Variants in RERE observed in about 807,000 individuals in gnomAD.
RERE encodes arginine-glutamic acid dipeptide repeats protein.
A neutral mutation model predicts 146.1 loss-of-function variants in RERE; 40 were observed. That is an observed-to-expected ratio of 0.27 (90% CI 0.21 to 0.36). The LOEUF is 0.36. Ranked by LOEUF, RERE falls within the 10% of genes least tolerant of loss-of-function variation. The pLI is 1.00. For synonymous variants in RERE, 1,003 were observed against 866.0 expected (o/e 1.16, Z -2.78); for missense variants, 1,933 against 2,138.7 (o/e 0.90, Z 1.90).
intron 11 of RERE, among the ~76,000 whole-genome samples, chr1:8,447,179 A>G (rs994121739): frequency 6.6e-6 from 1 of 150,840 alleles, no homozygotes; most frequent in Admixed American, 6.6e-5. Context: ...TGGTTATTCT[A>G]GTTAGCAGTT....
intron 1 of RERE, among the ~76,000 whole-genome samples, chr1:8,689,773 G>GAAAAA (rs370873260): frequency 7.8e-6 from 1 of 127,828 alleles, no homozygotes; most frequent in Non-Finnish European, 1.7e-5. Flanking sequence ...ATGGATACAG[G>GAAAAA]AAAAAAAAAA....
At chr1:8,559,280 C>CAAAAAAAAAAAAAAAAAAAAAAAAAAA (rs548075266) in intron 4 of RERE, among the ~76,000 whole-genome samples, 16 of 12,072 alleles carry the variant, frequency 1.3e-3, no homozygotes, top group Non-Finnish European at 1.8e-3. Context: ...AACTCCAGCT[C>CAAAAAAAAAAAAAAAAAAAAAAAAAAA]AAAAAAAAAA....
intron 2 of RERE, among the ~76,000 whole-genome samples, chr1:8,647,362 C>T (rs1438750524): frequency 6.6e-6 from 1 of 152,134 alleles, no homozygotes; most frequent in Admixed American, 6.6e-5. Context: ...AGGGAATACA[C>T]TGAAAAGCTT....
intron 12 of RERE, among the ~76,000 whole-genome samples, chr1:8,419,070 A>G (rs1427025782): frequency 6.6e-6 from 1 of 152,218 alleles, no homozygotes; most frequent in Non-Finnish European, 1.5e-5. Flanking sequence ...ATTCCTGACT[A>G]CATTTCACCT....
chr1:8,478,721 G>A (rs2124172581), intron 10 of RERE, among the ~76,000 whole-genome samples: 1 of 152,266 alleles, frequency 6.6e-6, no homozygotes, highest in Middle Eastern at 3.4e-3. Context: ...TTCAAGGATT[G>A]CCTGAGTTTA....
intron 6 of RERE, among the ~76,000 whole-genome samples, chr1:8,546,918 A>C (rs1645869975): frequency 1.3e-5 from 2 of 151,956 alleles, no homozygotes; most frequent in African/African-American, 4.8e-5. Flanking sequence ...AACTGTACAA[A>C]ATCTGTAACA....
chr1:8,450,927 C>T (rs1160881537), intron 11 of RERE, among the ~76,000 whole-genome samples: 1 of 152,192 alleles, frequency 6.6e-6, no homozygotes, highest in African/African-American at 2.4e-5. Flanking sequence ...ATTCTTGGTG[C>T]TCTTTATTCC....
intron 1 of RERE, chr1:8,786,758 A>G: frequency 1.3e-6 from 1 of 780,290 alleles, no homozygotes; most frequent in Non-Finnish European, 2.3e-6. Context: ...ATCTGCCTAT[A>G]TTCCTTGTGA....
Position 8,360,270 on chromosome 1 carries a change from GCT to G in RERE, c.3235_3236del (p.Ser1079HisfsTer23). ...GTGGGCAGGACGACCCCCCCGCTAT[GCT>G]GCCTCCTGAAGCCGCCGCACCAGAG... Reference protein sequence around the residue: ...PCSGAAASGGSIAGGSSCPLP... With the variant: ...PCSGAAASGGXIAGGSSCPLP... On this transcript the variant is annotated frameshift_variant, in exon 18 of 23. Transcript: ENST00000400908. LOFTEE classifies it high-confidence loss of function. 6.4e-7 allele frequency: 1 copy of G among 1,570,642 alleles called. No homozygotes were observed. Among genetic ancestry groups the G allele is most frequent in the Non-Finnish European group, 8.6e-7 (1 of 1,159,150 alleles).
intron 4 of RERE, among the ~76,000 whole-genome samples, chr1:8,586,368 G>GC (rs1295772244): frequency 6.6e-6 from 1 of 152,134 alleles, no homozygotes; most frequent in African/African-American, 2.4e-5. Context: ...CTCGAAGATG[G>GC]CTGGCCACGT....
intron 6 of RERE, among the ~76,000 whole-genome samples, chr1:8,544,563 T>A (rs1645836082): frequency 6.6e-6 from 1 of 152,146 alleles, no homozygotes; most frequent in African/African-American, 2.4e-5. Flanking sequence ...ATATGAGCTT[T>A]AGAAGAGGAA....
chr1:8,790,554 A>G (rs1641345633), intron 1 of RERE, among the ~76,000 whole-genome samples: 1 of 152,236 alleles, frequency 6.6e-6, no homozygotes, highest in Non-Finnish European at 1.5e-5. Context: ...TCCTTCATAT[A>G]GAAATAAACT....
At chr1:8,552,236 C>A (rs1195283724) in intron 6 of RERE, among the ~76,000 whole-genome samples, 2 of 152,172 alleles carry the variant, frequency 1.3e-5, no homozygotes, top group Non-Finnish European at 1.5e-5. Context: ...GCTCTCTCTC[C>A]TCCTTTATAA....
chr1:8,541,192 T>C (rs764446493), intron 7 of RERE, 22 bp downstream of exon 7: 1 of 1,278,454 alleles, frequency 7.8e-7, no homozygotes, highest in Non-Finnish European at 1.1e-6. Context: ...TCTCAATGAA[T>C]GGACACAAGT....
intron 1 of RERE, among the ~76,000 whole-genome samples, chr1:8,706,292 T>C (rs1019273404): frequency 6.6e-6 from 1 of 151,794 alleles, no homozygotes; most frequent in African/African-American, 2.4e-5. Context: ...TAAAAAAAAA[T>C]TTAGAAAAAT....
At chr1:8,730,820 C>T (rs753771468) in intron 1 of RERE, among the ~76,000 whole-genome samples, 1 of 152,182 alleles carries the variant, frequency 6.6e-6, no homozygotes, top group Non-Finnish European at 1.5e-5. Flanking sequence ...GAAGGACTAA[C>T]GCTGCATGAG....
chr1:8,602,713 C>T (rs572042343), intron 4 of RERE, among the ~76,000 whole-genome samples: 43 of 152,258 alleles, frequency 2.8e-4, no homozygotes, highest in African/African-American at 9.1e-4. Flanking sequence ...AACTTACACA[C>T]AGCAGATTTT....
intron 2 of RERE, among the ~76,000 whole-genome samples, chr1:8,643,305 T>G (rs1167977106): frequency 6.6e-6 from 1 of 152,216 alleles, no homozygotes; most frequent in African/African-American, 2.4e-5. Context: ...TTTCAACATG[T>G]TTTTGCTCAT....
intron 6 of RERE, among the ~76,000 whole-genome samples, chr1:8,554,587 T>C (rs1645981444): frequency 7.0e-6 from 1 of 143,358 alleles, no homozygotes; most frequent in African/African-American, 2.6e-5. Context: ...CTTGGGGAGG[T>C]AGGATTGCCT....
Sources: gnomAD v4.1 joint callset for allele counts (sites outside exome capture counted in the v4.1 genomes callset) on GRCh38, gnomAD v4.1.1 for gene constraint, MANE v1.5 for transcripts, NCBI Gene and HGNC (gene_info 2026-07-23, HGNC 2026-07-21) for gene names.